The following ERAP1 variants were observed in gnomAD, a reference collection of about 807,000 sequenced individuals.
ERAP1 encodes the protein adipocyte-derived leucine aminopeptidase.
In ERAP1, 86 loss-of-function variants were observed where a neutral mutation model predicts 103.7. The observed-to-expected ratio is 0.83, with a 90% CI of 0.70 to 0.99. ERAP1 has a LOEUF of 0.99. Among genes scored for constraint, ERAP1 ranks in the 50% least tolerant of loss-of-function variants. ERAP1 has a pLI of 0.00. For synonymous variants in ERAP1, 398 were observed against 402.4 expected (o/e 0.99, Z 0.13); for missense variants, 1,009 against 1,128.4 (o/e 0.89, Z 1.52).
the ERAP1 span, among the ~76,000 whole-genome samples, chr5:96,917,173 C>T: frequency 2.6e-5 from 4 of 152,224 alleles, no homozygotes; most frequent in African/African-American, 9.6e-5. Context: ...GTGGCACCAT[C>T]TTGGCTCATT....
At chr5:96,789,344 G>A (rs111886458) in intron 10 of ERAP1, among the ~76,000 whole-genome samples, 13,940 of 152,102 alleles carry the variant, frequency 0.092, 848 homozygotes, top group Middle Eastern at 0.16. Context: ...AAAATTAACC[G>A]GGTGTAGTGG....
chr5:96,814,965 A>C, the ERAP1 span, among the ~76,000 whole-genome samples: 1 of 152,168 alleles, frequency 6.6e-6, no homozygotes, highest in Non-Finnish European at 1.5e-5. Flanking sequence ...CTAACACCAA[A>C]TATTCTAGAA....
the ERAP1 span, among the ~76,000 whole-genome samples, chr5:96,873,941 G>A: frequency 1.2e-4 from 19 of 152,156 alleles, no homozygotes; most frequent in African/African-American, 3.6e-4. Context: ...CTTGGTGATG[G>A]TGGATTTAGG....
At chr5:96,801,163 G>T (rs1777947616) in intron 2 of ERAP1, among the ~76,000 whole-genome samples, 163 bp from the exon 3 acceptor site, 1 of 152,188 alleles carries the variant, frequency 6.6e-6, no homozygotes, top group Non-Finnish European at 1.5e-5. Flanking sequence ...TAAAAGACGA[G>T]TTACACTGGG....
At chr5:96,872,079 A>T in the ERAP1 span, among the ~76,000 whole-genome samples, 13,327 of 152,250 alleles carry the variant, frequency 0.088, 680 homozygotes, top group Middle Eastern at 0.15. Flanking sequence ...TGTCTGAAAA[A>T]GAACATAGGC....
chr5:96,846,849 A>C, the ERAP1 span, among the ~76,000 whole-genome samples: 1 of 152,152 alleles, frequency 6.6e-6, no homozygotes, highest in Non-Finnish European at 1.5e-5. Flanking sequence ...AGAAATTTAA[A>C]ACTGGAACAA....
chr5:96,807,700 C>T (rs1335832051), intron 1 of ERAP1, among the ~76,000 whole-genome samples, 160 bp downstream of exon 1: 1 of 151,960 alleles, frequency 6.6e-6, no homozygotes, highest in African/African-American at 2.4e-5. Context: ...CGCGCCCCGT[C>T]GCCTTCCTCC....
chr5:96,813,706 A>C, the ERAP1 span, among the ~76,000 whole-genome samples: 2 of 148,720 alleles, frequency 1.3e-5, no homozygotes, highest in African/African-American at 2.5e-5. Context: ...AGGCATCTTC[A>C]TACACGAGGA....
At chr5:96,860,244 G>T in the ERAP1 span, among the ~76,000 whole-genome samples, 1 of 152,068 alleles carries the variant, frequency 6.6e-6, no homozygotes, top group East Asian at 1.9e-4. Context: ...GGTACAGACG[G>T]AGTTTCACCA....
the ERAP1 span, among the ~76,000 whole-genome samples, chr5:96,822,026 T>G: frequency 6.6e-6 from 1 of 152,208 alleles, no homozygotes; most frequent in Non-Finnish European, 1.5e-5. Flanking sequence ...GATTATTGTC[T>G]TGCTTTCTAC....
At chr5:96,907,207 C>A in the ERAP1 span, among the ~76,000 whole-genome samples, 1 of 152,122 alleles carries the variant, frequency 6.6e-6, no homozygotes, top group Non-Finnish European at 1.5e-5. Context: ...AACAAACATT[C>A]AGATAACATT....
intron 19 of ERAP1, among the ~76,000 whole-genome samples, chr5:96,768,603 C>T (rs1007196341): frequency 1.3e-5 from 2 of 152,270 alleles, no homozygotes; most frequent in East Asian, 3.9e-4. Context: ...ATTTCCATAG[C>T]CACCATTTTT....
chr5:96,891,471 G>GTATA, the ERAP1 span, among the ~76,000 whole-genome samples: 1 of 101,388 alleles, frequency 9.9e-6, no homozygotes, highest in Admixed American at 1.0e-4. Flanking sequence ...ACATATACAG[G>GTATA]TATATATATA....
At chr5:96,812,468 AGAAT>A, upstream of ERAP1, among the ~76,000 whole-genome samples, 1 of 152,380 alleles carries the variant, frequency 6.6e-6, no homozygotes, top group East Asian at 1.9e-4. Flanking sequence ...TCACAAAGAA[AGAAT>A]GAATTATCCA....
chr5:96,823,616 C>T, the ERAP1 span, among the ~76,000 whole-genome samples: 1 of 152,218 alleles, frequency 6.6e-6, no homozygotes, highest in Non-Finnish European at 1.5e-5. Flanking sequence ...CAAGCTCCTA[C>T]CCTACTAGGC....
In ERAP1 at chr5:96,775,249, G is replaced by C. The variant is rs986678389; in HGVS notation, c.*1147C>G. On this transcript the variant is annotated 3_prime_UTR_variant, in exon 19 of 19. Coordinates refer to ENST00000443439, the MANE Select transcript of ERAP1 (RefSeq NM_001040458.3). ...AGCAACTGTGTGCTGAAGCAACCGT[G>C]TGTGAAGTCTTCACAAAAGAAAGAA... is the stretch of plus-strand genomic sequence containing the variant. 1 of 952,796 alleles carries C rather than the reference G, an allele frequency of 1.0e-6. No homozygotes were observed. The highest frequency in any genetic ancestry group is 1.2e-6 in the Non-Finnish European group (1 of 817,502). The allele number at this position is 952,796 out of a possible 1,614,324, so 59.0% of individuals were successfully genotyped here.
At chr5:96,903,480 T>C in the ERAP1 span, 2 of 1,614,050 alleles carry the variant, frequency 1.2e-6, no homozygotes, top group Non-Finnish European at 1.7e-6. Context: ...ACCAACTCAT[T>C]ACACAGCTGA....
the ERAP1 span, among the ~76,000 whole-genome samples, chr5:96,852,657 C>G: frequency 6.6e-6 from 1 of 152,006 alleles, no homozygotes; most frequent in Non-Finnish European, 1.5e-5. Flanking sequence ...ATTTTAGATG[C>G]GAAGTCCTAT....
At chr5:96,888,773 C>T in the ERAP1 span, among the ~76,000 whole-genome samples, 2 of 152,168 alleles carry the variant, frequency 1.3e-5, no homozygotes, top group African/African-American at 2.4e-5. Context: ...TTCTTCATGG[C>T]TTCCCACATA....
Sources: allele counts gnomAD v4.1 joint callset (sites outside exome capture counted in the v4.1 genomes callset), GRCh38; gene constraint gnomAD v4.1.1; transcripts MANE v1.5; gene names NCBI Gene and HGNC (gene_info 2026-07-23, HGNC 2026-07-21).